AASS: variants seen among roughly 807,000 people sequenced by gnomAD.
The protein encoded by AASS is aminoadipate-semialdehyde synthase.
A neutral mutation model predicts 105.4 loss-of-function variants in AASS; 86 were observed. The observed-to-expected ratio is 0.82, with a 90% CI of 0.69 to 0.98. AASS has a LOEUF of 0.98. Among genes scored for constraint, AASS ranks in the 50% least tolerant of loss-of-function variants. The pLI, the probability that AASS is intolerant of heterozygous loss-of-function variation, is 0.00. For missense variants in AASS, 1,048 were observed against 1,143.2 expected, an observed-to-expected ratio of 0.92 and a Z score of 1.20; for synonymous variants, 381 against 394.8, an observed-to-expected ratio of 0.96 and a Z score of 0.41.
At chr7:122,081,323 C>A (rs1191523097) in intron 20 of AASS, among the ~76,000 whole-genome samples, 177 bp downstream of exon 20, 1 of 152,182 alleles carries the variant, frequency 6.6e-6, no homozygotes, top group Non-Finnish European at 1.5e-5. Context: ...CAGCCCCACA[C>A]CCTCTCCATT....
intron 15 of AASS, among the ~76,000 whole-genome samples, chr7:122,095,081 T>C (rs975211582): frequency 1.3e-5 from 2 of 152,158 alleles, no homozygotes; most frequent in Non-Finnish European, 2.9e-5. Context: ...CATCCAGTTA[T>C]ATATTTATAA....
At chr7:122,082,422 G>A (rs907373858) in intron 19 of AASS, among the ~76,000 whole-genome samples, 10 of 152,122 alleles carry the variant, frequency 6.6e-5, no homozygotes, top group Non-Finnish European at 1.2e-4. Context: ...TTCAGACCCA[G>A]TTTAGCACCT....
rs749996209 is a variant in AASS, at chr7:122,093,089, A to T, written c.1725T>A (p.Thr575=). Residue 575 remains threonine, a synonymous_variant, in exon 16 of 24, where the codon ACT becomes ACA. Coordinates refer to ENST00000417368, the MANE Select transcript of AASS (RefSeq NM_005763.4). ...ACITNKVNMV[T]ASYITPALKE... is the part of the protein sequence containing the mutation. ...TTAGTGCTGGTGTGATGTAGCTTGC[A>T]GTGACCATGTTAACTTTGTTTGTGA... The T allele has an allele frequency of 2.5e-6, 4 of 1,614,032 alleles. No individual in the cohort carries two copies. Among genetic ancestry groups the T allele is most frequent in the Non-Finnish European group, 3.4e-6 (4 of 1,179,908 alleles).
At chr7:122,081,445 T>C in intron 20 of AASS, 55 bp downstream of exon 20, 1 of 1,371,438 alleles carries the variant, frequency 7.3e-7, no homozygotes, top group Non-Finnish European at 1.0e-6. Flanking sequence ...CCCCCGACCA[T>C]TTCAGAAGGT....
chr7:122,127,658 G>A (rs776216578), intron 3 of AASS, among the ~76,000 whole-genome samples: 1 of 152,102 alleles, frequency 6.6e-6, no homozygotes, highest in Non-Finnish European at 1.5e-5. Context: ...TCAATTGGAA[G>A]TATTTTACAC....
chr7:122,116,687 A>G lies in AASS; in HGVS notation c.840T>C (p.Asp280=). The G allele has an allele frequency of 6.2e-7, 1 of 1,614,152 alleles. No individual in the cohort carries two copies. The highest frequency in any genetic ancestry group is 8.5e-7 in the Non-Finnish European group (1 of 1,179,996). ...CCGGATGTTTGTCATACTCTGCAGG[A>G]TCATACACAGCATCTGTTTTCCTGA... ...HLVRKTDAVY[D]PAEYDKHPER... is the part of the protein sequence containing the mutation. Residue 280 remains aspartate, a synonymous_variant, in exon 8 of 24, where the codon GAT becomes GAC. Coordinates refer to ENST00000417368, the MANE Select transcript of AASS (RefSeq NM_005763.4).
In AASS at chr7:122,101,462, T is replaced by G. The variant is rs771808779; in HGVS notation, c.1339-24A>C. 2.5e-6 allele frequency: 4 copies of G among 1,588,114 alleles called. No homozygotes were observed. In the East Asian group the frequency reaches 8.9e-5, roughly 36 times the overall value. On this transcript the variant is annotated intron_variant, in intron 12 of 23. Transcript: ENST00000417368. ...GCCTAAATGTATATGACACAAGACA[T>G]TTCTTTAGTATCCACATTTTAGTCC...
In AASS at chr7:122,133,628, C is replaced by A. The variant is rs770642597; in HGVS notation, c.99G>T (p.Val33=). 3 of 1,614,188 alleles carry A rather than the reference C, an allele frequency of 1.9e-6. No homozygotes were observed. Among genetic ancestry groups the A allele is most frequent in the Non-Finnish European group, 2.5e-6 (3 of 1,180,030 alleles). Residue 33 remains valine (V), a synonymous_variant, in exon 2 of 24, where the codon GTG becomes GTT. Coordinates refer to ENST00000417368, the MANE Select transcript of AASS (RefSeq NM_005763.4). ...KAVLAVRRED[V]NAWERRAPLA... Reference sequence around the variant, plus strand: ...GCGGGGCCCTTCTCTCCCAGGCGTTCACATCCTCCCTCCGGACGGCCAACA... The same window carrying A: ...GCGGGGCCCTTCTCTCCCAGGCGTTAACATCCTCCCTCCGGACGGCCAACA...
At chr7:122,099,901 T>C (rs1713383738) in intron 13 of AASS, among the ~76,000 whole-genome samples, 1 of 151,924 alleles carries the variant, frequency 6.6e-6, no homozygotes, top group Non-Finnish European at 1.5e-5. Context: ...AGAACCACTA[T>C]TATTCGGTTA....
intron 4 of AASS, among the ~76,000 whole-genome samples, chr7:122,121,919 T>C (rs781295175): frequency 8.7e-4 from 133 of 152,148 alleles, no homozygotes; most frequent in Non-Finnish European, 1.7e-3. Flanking sequence ...AAAGATATTG[T>C]CTTTGGAAAT....
At chr7:122,085,411 C>T (rs1333415690) in intron 19 of AASS, among the ~76,000 whole-genome samples, 2 of 151,962 alleles carry the variant, frequency 1.3e-5, no homozygotes, top group Non-Finnish European at 2.9e-5. Context: ...AATGTACTCC[C>T]CATTTTGTGG....
At chr7:122,124,954 G>T (rs1026454407) in intron 4 of AASS, among the ~76,000 whole-genome samples, 1 of 152,096 alleles carries the variant, frequency 6.6e-6, no homozygotes, top group Non-Finnish European at 1.5e-5. Flanking sequence ...ACAGAGTTTT[G>T]CTCTGTTGCC....
intron 13 of AASS, among the ~76,000 whole-genome samples, chr7:122,099,329 T>C (rs951033925): frequency 1.3e-5 from 2 of 151,946 alleles, no homozygotes; most frequent in African/African-American, 4.8e-5. Context: ...AGAATATTAT[T>C]ATCCATATTA....
rs1319520664 is a variant in AASS at position 122,118,555 on chromosome 7, T to A, written c.540+8A>T. ...TTCAAAAAAATTAGCAAAATAAACA[T>A]CTCTTACCATAAAAGGTGTGTGATG... On this transcript the variant is annotated splice_region_variant and intron_variant, in intron 5 of 23. Transcript: ENST00000417368. 11 of 1,613,796 alleles carry A rather than the reference T, an allele frequency of 6.8e-6. No individual in the cohort carries two copies. The highest frequency in any genetic ancestry group is 9.3e-6 in the Non-Finnish European group (11 of 1,179,956).
At chr7:122,121,249 G>A (rs879940033) in intron 4 of AASS, among the ~76,000 whole-genome samples, 6 of 151,558 alleles carry the variant, frequency 4.0e-5, no homozygotes, top group Admixed American at 1.3e-4. Context: ...TACTACTTCC[G>A]GTATAATAAA....
chr7:122,120,691 G>A (rs1275083279), intron 4 of AASS, among the ~76,000 whole-genome samples: 2 of 151,890 alleles, frequency 1.3e-5, no homozygotes, highest in Non-Finnish European at 2.9e-5. Flanking sequence ...AGAATTAAAT[G>A]CTGTAAATTT....
At position 122,078,075 on chromosome 7, in the gene AASS, C is replaced by T. The variant is rs1584802106; in HGVS notation, c.2486-61G>A. 6.7e-6 allele frequency: 10 copies of T among 1,491,398 alleles called. No individual in the cohort carries two copies. The East Asian group carries it at 2.3e-4, about 34-fold the overall frequency. The allele number at this position is 1,491,398 out of a possible 1,614,324, so 92.4% of individuals were successfully genotyped here. ...TCATTACAACTCAAATATTGTCTGT[C>T]ATCTCCTCCTGCCCTTCTGGTCTTA... On this transcript the variant is annotated intron_variant, in intron 22 of 23. Transcript: ENST00000417368.
At chr7:122,116,375 A>G (rs1795173980) in intron 8 of AASS, among the ~76,000 whole-genome samples, 1 of 152,196 alleles carries the variant, frequency 6.6e-6, no homozygotes, top group South Asian at 2.1e-4. Flanking sequence ...GCTTAGCGCT[A>G]TTGGGCACAT....
At chr7:122,127,260 C>T (rs1045611575) in intron 3 of AASS, among the ~76,000 whole-genome samples, 2 of 152,122 alleles carry the variant, frequency 1.3e-5, no homozygotes, top group Admixed American at 6.5e-5. Flanking sequence ...GAAAACCTTT[C>T]CTCTCTCAGG....
Sources: allele counts gnomAD v4.1 joint callset (sites outside exome capture counted in the v4.1 genomes callset), GRCh38; gene constraint gnomAD v4.1.1; transcripts MANE v1.5; gene names NCBI Gene and HGNC (gene_info 2026-07-23, HGNC 2026-07-21).